MSI2: variants seen among roughly 807,000 people sequenced by gnomAD.
MSI2 encodes the protein RNA-binding protein Musashi homolog 2.
In MSI2, 17 loss-of-function variants were observed where a neutral mutation model predicts 45.6. The ratio of observed to expected loss-of-function variants is 0.37; its 90% confidence interval spans 0.26 to 0.56. MSI2 has a LOEUF of 0.56. Among genes scored for constraint, MSI2 ranks in the 20% least tolerant of loss-of-function variants. The probability of loss-of-function intolerance (pLI) is 0.77; values close to 1 mark genes in which losing one functional copy is unlikely to be tolerated. For synonymous variants in MSI2, 156 were observed against 158.2 expected (o/e 0.99, Z 0.11); for missense variants, 293 against 444.2 (o/e 0.66, Z 3.06).
Position 57,325,150 on chromosome 17 carries a change from G to A in MSI2, c.312+62958G>A, listed in dbSNP as rs141541677. 8.7e-3 allele frequency among the ~76,000 whole-genome samples: 1,321 copies of A among 152,264 alleles called. 26 individuals carry two copies. Among genetic ancestry groups the A allele is most frequent in the African/African-American group, 0.03 (1,260 of 41,544 alleles). ...TGGAATACTACCCAGCCATAAAAAA[G>A]AACAAAATAATGTCTTTTGCAGCAA... On this transcript the variant is annotated intron_variant, in intron 5 of 13. Coordinates refer to ENST00000284073, the MANE Select transcript of MSI2 (RefSeq NM_138962.4).
chr17:57,698,031 C>G, the MSI2 span, among the ~76,000 whole-genome samples: 5 of 152,098 alleles, frequency 3.3e-5, no homozygotes, highest in South Asian at 1.0e-3. Flanking sequence ...CTGTCTCTGG[C>G]TTGCTCACTG....
intron 5 of MSI2, among the ~76,000 whole-genome samples, chr17:57,395,191 G>A (rs1448844171): frequency 2.0e-5 from 3 of 152,188 alleles, no homozygotes; most frequent in Admixed American, 1.3e-4. Flanking sequence ...CCCGTTACTG[G>A]ATTTAGGGCT....
At chr17:57,286,037 T>G in intron 5 of MSI2, 1 of 1,485,020 alleles carries the variant, frequency 6.7e-7, no homozygotes, top group South Asian at 1.3e-5. Flanking sequence ...ATGCTGTTCA[T>G]ATTAGCTAGC....
intron 6 of MSI2, among the ~76,000 whole-genome samples, chr17:57,484,142 G>T (rs1050053357): frequency 2.0e-5 from 3 of 152,222 alleles, no homozygotes; most frequent in Non-Finnish European, 4.4e-5. Flanking sequence ...TTGGCTGAGA[G>T]GCCATTCTCT....
chr17:57,500,146 C>T (rs868310400), intron 6 of MSI2, among the ~76,000 whole-genome samples: 1 of 152,204 alleles, frequency 6.6e-6, no homozygotes, highest in South Asian at 2.1e-4. Context: ...CTCTCAGACA[C>T]GCTCAGGACG....
intron 6 of MSI2, among the ~76,000 whole-genome samples, chr17:57,464,021 ATGTG>A (rs71139998): frequency 1.2e-4 from 6 of 50,998 alleles, no homozygotes; most frequent in Non-Finnish European, 3.4e-4. Context: ...GTGTGTGTGT[ATGTG>A]TGTGTGTGTG....
chr17:57,646,490 TC>T (rs1012007942), intron 10 of MSI2, among the ~76,000 whole-genome samples: 31 of 152,132 alleles, frequency 2.0e-4, no homozygotes, highest in African/African-American at 7.2e-4. Flanking sequence ...ATCATCCTCC[TC>T]CCCGCAGACA....
intron 5 of MSI2, among the ~76,000 whole-genome samples, chr17:57,293,030 C>T (rs1172331796): frequency 6.6e-6 from 1 of 151,990 alleles, no homozygotes; most frequent in Non-Finnish European, 1.5e-5. Flanking sequence ...ATAAATAAGA[C>T]AGTGGTTTCT....
At chr17:57,257,228 C>CT in intron 2 of MSI2, 90 bp downstream of exon 2, 17 of 480,258 alleles carry the variant, frequency 3.5e-5, no homozygotes, top group Non-Finnish European at 5.0e-5. Context: ...CCCCCCCCCC[C>CT]CGCCATTGGC....
chr17:57,492,931 T>C (rs1345447095), intron 6 of MSI2, among the ~76,000 whole-genome samples: 2 of 152,202 alleles, frequency 1.3e-5, no homozygotes, highest in Admixed American at 6.5e-5. Flanking sequence ...ATCTTTGTTC[T>C]TCCTCCATTT....
chr17:57,662,064 T>C (rs1912029535), intron 11 of MSI2, among the ~76,000 whole-genome samples: 1 of 152,184 alleles, frequency 6.6e-6, no homozygotes. Flanking sequence ...ATTCTTCATA[T>C]GGATAAGTAA....
At chr17:57,508,796 A>G (rs1443176443) in intron 6 of MSI2, among the ~76,000 whole-genome samples, 1 of 152,206 alleles carries the variant, frequency 6.6e-6, no homozygotes, top group Non-Finnish European at 1.5e-5. Flanking sequence ...GATGGCAGAC[A>G]GTGGGCTGTG....
At position 57,682,473 on chromosome 17, in the gene MSI2, C is replaced by G. The variant is rs2144771696; in HGVS notation, c.*2956C>G. Reference sequence around the variant, plus strand: ...GAGAAAAAATATTTTTTTAAGAATGCTCAGAAGAAATTGATAATCTGTGTG... The same window carrying G: ...GAGAAAAAATATTTTTTTAAGAATGGTCAGAAGAAATTGATAATCTGTGTG... On this transcript the variant is annotated 3_prime_UTR_variant, in exon 14 of 14. Transcript: ENST00000284073. 5.0e-6 allele frequency: 1 copy of G among 199,280 alleles called. No homozygotes were observed. Among genetic ancestry groups the G allele is most frequent in the African/African-American group, 2.3e-5 (1 of 43,484 alleles). 12.3% of individuals were successfully genotyped at this position (199,280 alleles called of 1,614,324 possible).
Position 57,683,444 on chromosome 17 carries a change from G to A in MSI2, c.*3927G>A, listed in dbSNP as rs1913733786. On this transcript the variant is annotated 3_prime_UTR_variant, in exon 14 of 14. Coordinates refer to ENST00000284073, the MANE Select transcript of MSI2 (RefSeq NM_138962.4). The surrounding 1 kb of genome is among the most constrained non-coding windows in gnomAD (Gnocchi z 5.2). The stretch of plus-strand genomic sequence containing the variant: ...AGTGCAAACGAGGGCTAGGGACTTA[G>A]CCTCCTCCACCACCTCCACACTGCT... 4.4e-6 allele frequency: 1 copy of A among 228,930 alleles called. No homozygotes were observed. Among genetic ancestry groups the A allele is most frequent in the Non-Finnish European group, 8.7e-6 (1 of 115,526 alleles). 14.2% of individuals were successfully genotyped at this position (228,930 alleles called of 1,614,324 possible).
chr17:57,453,265 TG>T (rs764536630), intron 6 of MSI2, among the ~76,000 whole-genome samples: 3 of 152,098 alleles, frequency 2.0e-5, no homozygotes, highest in Non-Finnish European at 4.4e-5. Flanking sequence ...CCTCCCAAAG[TG>T]CTAGGACTAC....
chr17:57,671,242 T>G (rs1320289109), intron 11 of MSI2, among the ~76,000 whole-genome samples: 1 of 152,220 alleles, frequency 6.6e-6, no homozygotes, highest in Non-Finnish European at 1.5e-5. Context: ...TCATAGCTCC[T>G]GCTGCAAAAA....
In MSI2 at chr17:57,469,608, A is replaced by G. The variant is rs553551955; in HGVS notation, c.406-60068A>G. ...ACCTTTTGGCTTCAAAGCTCTGTTA[A>G]TCTTCAGGCCCTGGCTTGTGAACCT... On this transcript the variant is annotated intron_variant, in intron 6 of 13. Transcript: ENST00000284073. Among the ~76,000 whole-genome samples the G allele has an allele frequency of 7.2e-5, 11 of 152,316 alleles. No homozygotes were observed. In the South Asian group the frequency reaches 2.3e-3, roughly 32 times the overall value.
At chr17:57,473,515 G>A (rs984283154) in intron 6 of MSI2, among the ~76,000 whole-genome samples, 9 of 152,164 alleles carry the variant, frequency 5.9e-5, no homozygotes, top group African/African-American at 1.4e-4. Flanking sequence ...CATTTCCGTC[G>A]GGGGGCCTCT....
intron 5 of MSI2, among the ~76,000 whole-genome samples, chr17:57,370,156 C>T (rs150813994): frequency 2.0e-5 from 3 of 152,254 alleles, no homozygotes; most frequent in South Asian, 2.1e-4. Flanking sequence ...TTTGAGTAGC[C>T]GTGAAAGCTG....
Sources: allele counts gnomAD v4.1 joint callset (sites outside exome capture counted in the v4.1 genomes callset), GRCh38; gene constraint gnomAD v4.1.1; non-coding constraint Gnocchi (gnomAD v3.1); transcripts MANE v1.5; gene names NCBI Gene and HGNC (gene_info 2026-07-23, HGNC 2026-07-21).